Variants in SEMA5A observed in about 807,000 individuals in gnomAD.
SEMA5A encodes the protein semaphorin-5A.
A neutral mutation model predicts 135.5 loss-of-function variants in SEMA5A; 55 were observed. That is an observed-to-expected ratio of 0.41 (90% CI 0.33 to 0.51). The LOEUF (loss-of-function observed/expected upper bound fraction) is 0.51, where lower values mean the gene tolerates loss of function less well. Among genes scored for constraint, SEMA5A ranks in the 20% least tolerant of loss-of-function variants. The pLI, the probability that SEMA5A is intolerant of heterozygous loss-of-function variation, is 0.37. For synonymous variants in SEMA5A, 580 were observed against 546.5 expected, an observed-to-expected ratio of 1.06 and a Z score of -0.85; for missense variants, 1,290 against 1,419.9, an observed-to-expected ratio of 0.91 and a Z score of 1.47.
At chr5:9,383,975 G>A (rs1003133797) in intron 2 of SEMA5A, among the ~76,000 whole-genome samples, 1 of 152,200 alleles carries the variant, frequency 6.6e-6, no homozygotes, top group Non-Finnish European at 1.5e-5. Flanking sequence ...TAGTTCAAGG[G>A]TGATGAGCTG....
At chr5:9,088,231 G>A (rs1738812780) in intron 16 of SEMA5A, among the ~76,000 whole-genome samples, 1 of 150,198 alleles carries the variant, frequency 6.7e-6, no homozygotes, top group Non-Finnish European at 1.5e-5. Flanking sequence ...TTGAACCCAG[G>A]AGGCAGAGGT....
intron 11 of SEMA5A, among the ~76,000 whole-genome samples, chr5:9,182,625 T>G (rs919917151): frequency 1.3e-5 from 2 of 151,928 alleles, no homozygotes; most frequent in South Asian, 4.2e-4. Flanking sequence ...GAGCATGCCA[T>G]GCTCACCTCC....
intron 3 of SEMA5A, among the ~76,000 whole-genome samples, chr5:9,375,728 A>C (rs542497002): frequency 6.6e-6 from 1 of 151,636 alleles, no homozygotes; most frequent in Non-Finnish European, 1.5e-5. Context: ...AGTCCCAGGA[A>C]GACCAGGACA....
intron 1 of SEMA5A, among the ~76,000 whole-genome samples, chr5:9,543,337 A>T (rs17328932): frequency 6.6e-6 from 1 of 152,190 alleles, no homozygotes; most frequent in Non-Finnish European, 1.5e-5. Flanking sequence ...GTGGTCAATA[A>T]GTTTTAACAG....
At chr5:9,097,010 C>T (rs979520878) in intron 16 of SEMA5A, among the ~76,000 whole-genome samples, 8 of 152,198 alleles carry the variant, frequency 5.3e-5, no homozygotes, top group Non-Finnish European at 7.4e-5. Context: ...ATTTGTTCCA[C>T]TATAGTAATC....
chr5:9,471,959 C>T (rs1759492713), intron 1 of SEMA5A, among the ~76,000 whole-genome samples: 1 of 152,218 alleles, frequency 6.6e-6, no homozygotes, highest in Non-Finnish European at 1.5e-5. Flanking sequence ...ATGCTTTATA[C>T]AGTGTAAGAT....
intron 1 of SEMA5A, among the ~76,000 whole-genome samples, chr5:9,438,543 G>A (rs1251671784): frequency 2.0e-5 from 3 of 152,198 alleles, no homozygotes; most frequent in Non-Finnish European, 4.4e-5. Flanking sequence ...GTATGCCAGA[G>A]GCTGAAAATA....
chr5:9,153,819 A>G lies in SEMA5A; in HGVS notation c.1481+669T>C, dbSNP rs183116887. The stretch of plus-strand genomic sequence containing the variant: ...CCAGGACTTTGGGAGGCAGAGGTGG[A>G]CAGATCACTTGAGGTCAGGAGTTCA... On this transcript the variant is annotated intron_variant, in intron 12 of 22. Coordinates refer to ENST00000382496, the MANE Select transcript of SEMA5A (RefSeq NM_003966.3). Among the ~76,000 whole-genome samples the G allele has an allele frequency of 3.5e-3, 535 of 151,772 alleles. 2 individuals are homozygous for G. Among genetic ancestry groups the G allele is most frequent in the African/African-American group, 0.012 (516 of 41,360 alleles).
chr5:9,085,881 C>T (rs543417295), intron 16 of SEMA5A, among the ~76,000 whole-genome samples: 1 of 152,212 alleles, frequency 6.6e-6, no homozygotes, highest in Non-Finnish European at 1.5e-5. Context: ...CTGTACCCTG[C>T]AAAGCCACAG....
chr5:9,458,338 T>A (rs2126722756), intron 1 of SEMA5A, among the ~76,000 whole-genome samples: 1 of 152,316 alleles, frequency 6.6e-6, no homozygotes, highest in Non-Finnish European at 1.5e-5. Flanking sequence ...AATCATCAAG[T>A]CTGCTACCTC....
intron 8 of SEMA5A, among the ~76,000 whole-genome samples, chr5:9,221,125 C>T (rs553490648): frequency 2.0e-5 from 3 of 152,250 alleles, no homozygotes; most frequent in East Asian, 1.9e-4. Context: ...TTATTTTGCT[C>T]ACTTGGTTGA....
intron 1 of SEMA5A, among the ~76,000 whole-genome samples, chr5:9,512,975 T>G (rs909783388): frequency 5.3e-5 from 8 of 151,644 alleles, no homozygotes; most frequent in Admixed American, 5.3e-4. Context: ...AAGGAACGCA[T>G]TAATGAAAAC....
chr5:9,320,436 C>G (rs976399745), intron 4 of SEMA5A, among the ~76,000 whole-genome samples: 9 of 152,290 alleles, frequency 5.9e-5, no homozygotes, highest in Non-Finnish European at 1.0e-4. Flanking sequence ...CATCTGCAGG[C>G]CAGGCACATT....
chr5:9,049,249 C>A (rs1736438218), intron 21 of SEMA5A, among the ~76,000 whole-genome samples: 1 of 152,152 alleles, frequency 6.6e-6, no homozygotes. Flanking sequence ...GCAACCTCCA[C>A]CTCCCAGGTT....
At chr5:9,544,440 T>A (rs424773) in intron 1 of SEMA5A, among the ~76,000 whole-genome samples, 56,550 of 151,820 alleles carry the variant, frequency 0.37, 10,686 homozygotes, top group African/African-American at 0.4. Flanking sequence ...CATTTATGTC[T>A]GGCCACCACC....
chr5:9,199,715 A>G lies in SEMA5A; in HGVS notation c.932+2240T>C, dbSNP rs73044768. Among the ~76,000 whole-genome samples, 1,077 of 152,334 alleles carry G rather than the reference A, an allele frequency of 7.1e-3. 11 individuals are homozygous for G. Among genetic ancestry groups the G allele is most frequent in the African/African-American group, 0.024 (1,015 of 41,556 alleles). ...TTTATATCCATATCTATACATAGTA[A>G]TACTTTACTACAATCTCTACAGTTT... On this transcript the variant is annotated intron_variant, in intron 9 of 22. Transcript: ENST00000382496.
chr5:9,495,662 G>A (rs755429821), intron 1 of SEMA5A, among the ~76,000 whole-genome samples: 6 of 152,226 alleles, frequency 3.9e-5, no homozygotes, highest in Non-Finnish European at 7.3e-5. Flanking sequence ...TGCGTCCACA[G>A]GAGGATGAAG....
At chr5:9,268,696 C>T (rs896759238) in intron 5 of SEMA5A, among the ~76,000 whole-genome samples, 64 of 152,046 alleles carry the variant, frequency 4.2e-4, no homozygotes, top group African/African-American at 1.3e-3. Flanking sequence ...TTATTTTCCC[C>T]GCACTGTGGC....
chr5:9,214,738 T>C (rs546823643), intron 8 of SEMA5A, among the ~76,000 whole-genome samples: 1 of 152,358 alleles, frequency 6.6e-6, no homozygotes, highest in African/African-American at 2.4e-5. Context: ...TGATGATGCA[T>C]GCTTTGTGCC....
Sources: gnomAD v4.1 joint callset for allele counts (sites outside exome capture counted in the v4.1 genomes callset) on GRCh38, gnomAD v4.1.1 for gene constraint, MANE v1.5 for transcripts, NCBI Gene and HGNC (gene_info 2026-07-23, HGNC 2026-07-21) for gene names.